The following TTC8 variants were observed in gnomAD, a reference collection of about 807,000 sequenced individuals.
TTC8 encodes tetratricopeptide repeat protein 8.
TTC8 carries 47 observed loss-of-function variants against 72.5 expected under a neutral mutation model. The ratio of observed to expected loss-of-function variants is 0.65; its 90% CI spans 0.51 to 0.83. The LOEUF (loss-of-function observed/expected upper bound fraction) is 0.83. Ranked by LOEUF, TTC8 falls within the 40% of genes least tolerant of loss-of-function variation. TTC8 has a pLI of 0.00. For missense variants in TTC8, 611 were observed against 623.2 expected (o/e 0.98, Z 0.21); for synonymous variants, 199 against 221.4 (o/e 0.90, Z 0.90).
At chr14:88,852,175 T>G (rs910772275) in intron 7 of TTC8, among the ~76,000 whole-genome samples, 1 of 152,230 alleles carries the variant, frequency 6.6e-6, no homozygotes, top group South Asian at 2.1e-4. Context: ...GAGCTTCAAA[T>G]TTCTACAAAG....
At chr14:88,856,197 C>A (rs1054151405) in intron 8 of TTC8, among the ~76,000 whole-genome samples, 4 of 152,156 alleles carry the variant, frequency 2.6e-5, no homozygotes, top group African/African-American at 9.7e-5. Flanking sequence ...AACTGTGGGA[C>A]CTTTGAAGAG....
At chr14:88,848,591 T>G (rs1431877926) in intron 7 of TTC8, among the ~76,000 whole-genome samples, 1 of 152,144 alleles carries the variant, frequency 6.6e-6, no homozygotes, top group East Asian at 1.9e-4. Context: ...TTTGGTAAAT[T>G]ATAATAAATA....
chr14:88,844,332 T>C (rs1361750308), intron 7 of TTC8, among the ~76,000 whole-genome samples: 11 of 152,208 alleles, frequency 7.2e-5, no homozygotes, highest in Non-Finnish European at 5.9e-5. Context: ...TTTAAAGTTA[T>C]ATGCGTATGA....
Position 88,857,173 on chromosome 14 carries a change from A to G in TTC8, c.711-17A>G. 1 of 1,611,574 alleles carries G rather than the reference A, an allele frequency of 6.2e-7. No individual in the cohort carries two copies. Among genetic ancestry groups the G allele is most frequent in the Non-Finnish European group, 8.5e-7 (1 of 1,177,946 alleles). On this transcript the variant is annotated splice_polypyrimidine_tract_variant and intron_variant, in intron 8 of 14. Coordinates refer to ENST00000380656, the MANE Select transcript of TTC8 (RefSeq NM_144596.4). ...TTTTTAAGTTGAATGTCTAATTCTT[A>G]AAATTGCTATTTGTAGGTTGGGAAT... is the stretch of plus-strand genomic sequence containing the variant.
intron 14 of TTC8, among the ~76,000 whole-genome samples, chr14:88,875,513 A>G (rs1595992974): frequency 6.6e-6 from 1 of 152,208 alleles, no homozygotes; most frequent in African/African-American, 2.4e-5. Flanking sequence ...TGATATTCTA[A>G]TGTGAAAACT....
At position 88,841,442 on chromosome 14, in the gene TTC8, T is replaced by C. The variant is rs1366580215; in HGVS notation, c.507T>C (p.Ser169=). 6.2e-7 allele frequency: 1 copy of C among 1,613,784 alleles called. No individual in the cohort carries two copies. The highest frequency in any genetic ancestry group is 2.2e-5 in the East Asian group (1 of 44,804). The part of the protein sequence containing the change: ...VRLGTASMLT[S]PDGPFINLSR... The stretch of plus-strand genomic sequence containing the variant: ...CTCTGTAGGCTTCCATGCTTACAAG[T>C]CCTGATGGACCATTTATAAATTTAT... Residue 169 remains serine, a synonymous_variant, in exon 6 of 15, where the codon AGT becomes AGC. Transcript: ENST00000380656.
intron 1 of TTC8, among the ~76,000 whole-genome samples, chr14:88,829,321 A>G (rs925128362): frequency 6.6e-6 from 1 of 152,202 alleles, no homozygotes; most frequent in African/African-American, 2.4e-5. Context: ...GTAAGATATA[A>G]AAAGAGGAAA....
chr14:88,833,639 AT>A, intron 1 of TTC8, 53 bp from the exon 2 acceptor site: 1 of 1,565,526 alleles, frequency 6.4e-7, no homozygotes, highest in Non-Finnish European at 8.8e-7. Flanking sequence ...AGGACTTTTT[AT>A]TTTAGAAACT....
chr14:88,872,547 G>A, intron 13 of TTC8, 95 bp downstream of exon 13: 1 of 1,561,234 alleles, frequency 6.4e-7, no homozygotes, highest in Admixed American at 1.7e-5. Flanking sequence ...ATTTTAAAAT[G>A]AGCTCTAGAA....
chr14:88,879,591 C>G (rs532671664), downstream of TTC8: 31 of 151,650 alleles, frequency 2.0e-4, no homozygotes, highest in African/African-American at 4.9e-5. Context: ...CTCAGATTAT[C>G]TATCAGGATA....
chr14:88,861,169 CAA>C, intron 9 of TTC8, 51 bp from the exon 10 acceptor site: 3 of 1,268,922 alleles, frequency 2.4e-6, no homozygotes, highest in South Asian at 1.3e-5. Context: ...AATGTCATAA[CAA>C]ATATTAATTT....
intron 12 of TTC8, among the ~76,000 whole-genome samples, chr14:88,872,017 A>C (rs2094936361): frequency 6.6e-6 from 1 of 152,154 alleles, no homozygotes; most frequent in East Asian, 1.9e-4. Context: ...GTAGCACTGC[A>C]CTCCAGCCTG....
At chr14:88,858,754 ATTTTTTTTTTTT>A (rs138871136) in intron 9 of TTC8, among the ~76,000 whole-genome samples, 42 of 86,910 alleles carry the variant, frequency 4.8e-4, no homozygotes, top group African/African-American at 1.9e-3. Context: ...TGCCTGGATA[ATTTTTTTTTTTT>A]TTTTTTTTTT....
chr14:88,847,180 T>A lies in TTC8; in HGVS notation c.624+3330T>A, dbSNP rs368624902. ...AGGCAATGCTAATTTTCAGGCAGGATTGGAAAATACTGCCTTAGAATATAG... is the reference window on the plus strand; with the variant it reads ...AGGCAATGCTAATTTTCAGGCAGGAATGGAAAATACTGCCTTAGAATATAG... On this transcript the variant is annotated intron_variant, in intron 7 of 14. Coordinates refer to ENST00000380656, the MANE Select transcript of TTC8 (RefSeq NM_144596.4). Among the ~76,000 whole-genome samples the A allele has an allele frequency of 2.6e-5, 4 of 152,176 alleles. No homozygotes were observed. The East Asian group carries it at 5.8e-4, about 22-fold the overall frequency.
chr14:88,841,195 C>G lies in TTC8; in HGVS notation c.488C>G (p.Thr163Arg), dbSNP rs758942370. Reference protein sequence around the residue: ...SSSGRFVRLGTASMLTSPDGP... With the variant: ...SSSGRFVRLGRASMLTSPDGP... Reference sequence around the variant, plus strand: ...TCCGGAAGATTTGTCAGGCTGGGAACGGTAAATTCTATCAGCTTTCCCATA... The same window carrying G: ...TCCGGAAGATTTGTCAGGCTGGGAAGGGTAAATTCTATCAGCTTTCCCATA... Residue 163 changes from threonine to arginine, a missense_variant and splice_region_variant, in exon 5 of 15, where the codon ACG becomes AGG. Physicochemically the swap from Thr to Arg is moderately conservative, Grantham distance 71. Transcript: ENST00000380656. 2 of 1,613,956 alleles carry G rather than the reference C, an allele frequency of 1.2e-6. No individual in the cohort carries two copies. The highest frequency in any genetic ancestry group is 8.5e-7 in the Non-Finnish European group (1 of 1,179,980).
intron 14 of TTC8, among the ~76,000 whole-genome samples, chr14:88,876,940 A>G (rs891713723): frequency 6.6e-6 from 1 of 152,206 alleles, no homozygotes; most frequent in African/African-American, 2.4e-5. Context: ...CAGCATGTAA[A>G]TATCACTTTA....
chr14:88,855,932 A>G (rs1410453742), intron 8 of TTC8, among the ~76,000 whole-genome samples: 1 of 152,156 alleles, frequency 6.6e-6, no homozygotes, highest in African/African-American at 2.4e-5. Context: ...ACAAAATACA[A>G]AAGTTAGTCG....
intron 7 of TTC8, chr14:88,846,573 T>C (rs1566841105): frequency 2.4e-6 from 3 of 1,272,428 alleles, no homozygotes; most frequent in Non-Finnish European, 3.3e-6. Flanking sequence ...TTGTAGGTCA[T>C]GGTGACAATG....
rs1249908428 is a variant in TTC8, at chr14:88,857,277, A to C, written c.798A>C (p.Lys266Asn). 6.2e-7 allele frequency: 1 copy of C among 1,612,994 alleles called. No individual in the cohort carries two copies. The highest frequency in any genetic ancestry group is 8.5e-7 in the Non-Finnish European group (1 of 1,179,178). ...EMVDTFLYLA[K>N]VYVSLDQPVT... ...TAGATACATTTCTGTACTTGGCAAA[A>C]GTAAGTAAATCTTAATTTGAGTGAA... is the stretch of plus-strand genomic sequence containing the variant. Residue 266 changes from lysine (K) to asparagine (N), a missense_variant and splice_region_variant, in exon 9 of 15, where the codon AAA becomes AAC. By Grantham distance (94) the Lys-to-Asn change is moderately conservative. Coordinates refer to ENST00000380656, the MANE Select transcript of TTC8 (RefSeq NM_144596.4).
Sources: allele counts gnomAD v4.1 joint callset (sites outside exome capture counted in the v4.1 genomes callset), GRCh38; gene constraint gnomAD v4.1.1; transcripts MANE v1.5; gene names NCBI Gene and HGNC (gene_info 2026-07-23, HGNC 2026-07-21).